Variants in ITGA8 observed in about 807,000 individuals in gnomAD.
ITGA8 encodes the protein integrin subunit alpha 8, also known as integrin alpha-8.
A neutral mutation model predicts 142.3 loss-of-function variants in ITGA8; 91 were observed. That is an observed-to-expected ratio of 0.64 (90% CI 0.54 to 0.76). The LOEUF (loss-of-function observed/expected upper bound fraction) is 0.76. Among genes scored for constraint, ITGA8 ranks in the 30% least tolerant of loss-of-function variants. The probability of loss-of-function intolerance (pLI) is 0.00; values close to 1 mark genes in which losing one functional copy is unlikely to be tolerated. For missense variants in ITGA8, 1,406 were observed against 1,327.7 expected, an observed-to-expected ratio of 1.06 and a Z score of -0.92; for synonymous variants, 505 against 485.2, an observed-to-expected ratio of 1.04 and a Z score of -0.54.
At chr10:15,701,954 G>A (rs145700413) in intron 2 of ITGA8, among the ~76,000 whole-genome samples, 8 of 152,256 alleles carry the variant, frequency 5.3e-5, no homozygotes, top group African/African-American at 1.2e-4. Context: ...ATACTCGTAT[G>A]TATAATTCAA....
chr10:15,694,150 T>C (rs28718890), intron 2 of ITGA8, among the ~76,000 whole-genome samples: 1 of 145,488 alleles, frequency 6.9e-6, no homozygotes, highest in African/African-American at 2.5e-5. Flanking sequence ...ATATATCATA[T>C]ATCAGATAAT....
rs74651908 is a variant in ITGA8 at position 15,714,996 on chromosome 10, T to G, written c.343+3770A>C. 9.1e-3 allele frequency among the ~76,000 whole-genome samples: 1,392 copies of G among 152,340 alleles called. 27 individuals are homozygous for G. Among genetic ancestry groups the G allele is most frequent in the African/African-American group, 0.032 (1,316 of 41,578 alleles). On this transcript the variant is annotated intron_variant, in intron 2 of 29. Coordinates refer to ENST00000378076, the MANE Select transcript of ITGA8 (RefSeq NM_003638.3). ...GGAAAGTCACTGATGTCTTGACAGATGAATATTTGCAATATACATTTTTAT... is the reference window on the plus strand; with the variant it reads ...GGAAAGTCACTGATGTCTTGACAGAGGAATATTTGCAATATACATTTTTAT...
intron 2 of ITGA8, among the ~76,000 whole-genome samples, chr10:15,693,460 C>T (rs1190291686): frequency 6.6e-6 from 1 of 152,074 alleles, no homozygotes; most frequent in Non-Finnish European, 1.5e-5. Context: ...TCATGAATTT[C>T]CCTCTTAAAA....
intron 12 of ITGA8, among the ~76,000 whole-genome samples, chr10:15,644,790 A>C (rs907900322): frequency 1.3e-5 from 2 of 151,728 alleles, no homozygotes; most frequent in African/African-American, 4.8e-5. Context: ...CCATCCAACA[A>C]ATATTTATTA....
intron 22 of ITGA8, 60 bp from the exon 23 acceptor site, chr10:15,586,724 G>A: frequency 1.0e-6 from 1 of 989,724 alleles, no homozygotes. Flanking sequence ...TACAATATAT[G>A]ATCATAAAAA....
At chr10:15,553,181 C>T (rs936749211) in intron 26 of ITGA8, among the ~76,000 whole-genome samples, 18 of 151,994 alleles carry the variant, frequency 1.2e-4, no homozygotes, top group African/African-American at 1.9e-4. Context: ...CACTTGAATC[C>T]GGGAGGCCGA....
chr10:15,715,288 C>T (rs979739907), intron 2 of ITGA8, among the ~76,000 whole-genome samples: 1 of 151,970 alleles, frequency 6.6e-6, no homozygotes, highest in African/African-American at 2.4e-5. Context: ...CTTTCCAACC[C>T]CTCTCTGGAG....
intron 25 of ITGA8, among the ~76,000 whole-genome samples, chr10:15,571,364 TAGG>T (rs1296763845): frequency 6.6e-6 from 1 of 152,234 alleles, no homozygotes; most frequent in Non-Finnish European, 1.5e-5. Flanking sequence ...TGGTAGCTAC[TAGG>T]AGAACGTTCG....
At chr10:15,660,755 G>T (rs1404222996) in intron 9 of ITGA8, 124 bp downstream of exon 9, 2 of 762,340 alleles carry the variant, frequency 2.6e-6, no homozygotes, top group Non-Finnish European at 4.4e-6. Context: ...TGGATTAGGT[G>T]TATTAAGTGT....
At chr10:15,700,590 T>A (rs570650026) in intron 2 of ITGA8, among the ~76,000 whole-genome samples, 1 of 152,280 alleles carries the variant, frequency 6.6e-6, no homozygotes, top group Non-Finnish European at 1.5e-5. Context: ...ACTGAAAAGC[T>A]TCTGCACAGC....
At chr10:15,706,820 A>G (rs1835267331) in intron 2 of ITGA8, among the ~76,000 whole-genome samples, 1 of 152,182 alleles carries the variant, frequency 6.6e-6, no homozygotes, top group Non-Finnish European at 1.5e-5. Flanking sequence ...CACCACTCTT[A>G]GAATAAAATC....
intron 25 of ITGA8, among the ~76,000 whole-genome samples, chr10:15,570,141 A>G (rs1834151207): frequency 1.3e-5 from 2 of 152,242 alleles, no homozygotes; most frequent in African/African-American, 4.8e-5. Flanking sequence ...TAGAATTTCA[A>G]AAATTCACAA....
intron 2 of ITGA8, among the ~76,000 whole-genome samples, chr10:15,695,455 C>T (rs1465296783): frequency 1.3e-5 from 2 of 152,110 alleles, no homozygotes; most frequent in Non-Finnish European, 2.9e-5. Context: ...TGCGCTTTCC[C>T]TAATTTCTTA....
intron 13 of ITGA8, among the ~76,000 whole-genome samples, chr10:15,627,621 A>G (rs1437618783): frequency 6.6e-6 from 1 of 150,950 alleles, no homozygotes; most frequent in South Asian, 2.1e-4. Context: ...TATTTTGAAA[A>G]CCTCCCATCT....
chr10:15,597,817 T>TA (rs1298930258), intron 20 of ITGA8, among the ~76,000 whole-genome samples: 1 of 152,258 alleles, frequency 6.6e-6, no homozygotes, highest in Non-Finnish European at 1.5e-5. Context: ...ATTTCAGATG[T>TA]AAAGAGAATA....
At chr10:15,694,189 A>G (rs1341719603) in intron 2 of ITGA8, among the ~76,000 whole-genome samples, 3 of 142,042 alleles carry the variant, frequency 2.1e-5, no homozygotes, top group Non-Finnish European at 4.5e-5. Flanking sequence ...TATATCATAT[A>G]TATGATAATA....
Position 15,548,542 on chromosome 10 carries a change from T to C in ITGA8, c.2793A>G (p.Gln931=), listed in dbSNP as rs749254671. 1 of 1,609,594 alleles carries C rather than the reference T, an allele frequency of 6.2e-7. No individual in the cohort carries two copies. The highest frequency in any genetic ancestry group is 1.1e-5 in the South Asian group (1 of 90,096). Residue 931 remains glutamine, a synonymous_variant, in exon 27 of 30, where the codon CAA becomes CAG. Transcript: ENST00000378076. The stretch of plus-strand genomic sequence containing the variant: ...CGAGTCGTCCCACTGCACAGGAGAT[T>C]TGTAAACACTCGATATTTGTACAAT... ...ILNCTNIECL[Q]ISCAVGRLEG... is the part of the protein sequence containing the mutation.
intron 28 of ITGA8, among the ~76,000 whole-genome samples, chr10:15,524,014 C>T (rs998861312): frequency 1.3e-5 from 2 of 152,174 alleles, no homozygotes; most frequent in African/African-American, 4.8e-5. Context: ...GCATTTCCTC[C>T]ATGTCATCCT....
chr10:15,676,040 A>T (rs1006812040), intron 6 of ITGA8, among the ~76,000 whole-genome samples: 2 of 152,160 alleles, frequency 1.3e-5, no homozygotes, highest in African/African-American at 4.8e-5. Context: ...TAATAATGTT[A>T]ATTTCACATC....
Sources: gnomAD v4.1 joint callset for allele counts (sites outside exome capture counted in the v4.1 genomes callset) on GRCh38, gnomAD v4.1.1 for gene constraint, MANE v1.5 for transcripts, NCBI Gene and HGNC (gene_info 2026-07-23, HGNC 2026-07-21) for gene names.